TNPO3: variants seen among roughly 807,000 people sequenced by gnomAD.
TNPO3 encodes the protein transportin-3.
In TNPO3, 65 loss-of-function variants were observed where a neutral mutation model predicts 122.8. The observed-to-expected ratio is 0.53, with a 90% CI of 0.43 to 0.65. The LOEUF (loss-of-function observed/expected upper bound fraction) is 0.65. Ranked by LOEUF, TNPO3 falls within the 30% of genes least tolerant of loss-of-function variation. TNPO3 has a pLI of 0.00. For synonymous variants in TNPO3, 372 were observed against 411.2 expected (o/e 0.90, Z 1.15); for missense variants, 850 against 1,136.7 (o/e 0.75, Z 3.63).
intron 12 of TNPO3, 119 bp from the exon 13 acceptor site, chr7:128,984,378 G>C (rs1400212350): frequency 1.4e-5 from 8 of 553,612 alleles, no homozygotes; most frequent in Non-Finnish European, 2.5e-5. Flanking sequence ...CTTTTAAAAA[G>C]ATCAGCATTG....
intron 20 of TNPO3, 72 bp from the exon 21 acceptor site, chr7:128,967,464 A>G (rs777734251): frequency 1.2e-5 from 11 of 938,262 alleles, no homozygotes; most frequent in Non-Finnish European, 1.9e-5. Flanking sequence ...ACAGATACTA[A>G]CAAAACCCCA....
At chr7:128,994,042 C>T (rs1333847655) in intron 8 of TNPO3, 128 bp from the exon 9 acceptor site, 8 of 750,810 alleles carry the variant, frequency 1.1e-5, no homozygotes, top group Admixed American at 3.0e-5. Context: ...GCCTAAATCA[C>T]GAGGGTATTT....
intron 21 of TNPO3, among the ~76,000 whole-genome samples, chr7:128,961,360 C>G (rs572218476): frequency 6.6e-6 from 1 of 152,158 alleles, no homozygotes; most frequent in African/African-American, 2.4e-5. Flanking sequence ...CAATTGCCTA[C>G]AGTATTCAGT....
chr7:129,022,813 T>C (rs1343333543), intron 1 of TNPO3, among the ~76,000 whole-genome samples: 2 of 152,188 alleles, frequency 1.3e-5, no homozygotes, highest in East Asian at 3.8e-4. Context: ...CAGAAACTGT[T>C]ACTTGCAAAA....
chr7:129,015,258 G>C (rs1052000038), intron 3 of TNPO3, 123 bp from the exon 4 acceptor site: 1 of 914,738 alleles, frequency 1.1e-6, no homozygotes, highest in South Asian at 1.7e-5. Flanking sequence ...TTAAGGGGGA[G>C]AAAAAAGATA....
At chr7:128,990,713 C>T (rs1020866252) in intron 10 of TNPO3, among the ~76,000 whole-genome samples, 6 of 152,142 alleles carry the variant, frequency 3.9e-5, no homozygotes, top group Non-Finnish European at 8.8e-5. Context: ...TAAAGTTAAC[C>T]AAACACTTTC....
intron 21 of TNPO3, among the ~76,000 whole-genome samples, chr7:128,966,274 T>C (rs749021807): frequency 1.3e-5 from 2 of 152,204 alleles, no homozygotes; most frequent in African/African-American, 2.4e-5. Flanking sequence ...CTTTTCTCTA[T>C]TGATGGGCAA....
chr7:129,007,411 C>T (rs1418826878), intron 4 of TNPO3, among the ~76,000 whole-genome samples: 1 of 152,176 alleles, frequency 6.6e-6, no homozygotes, highest in Non-Finnish European at 1.5e-5. Context: ...CAGACTGCAA[C>T]AATAATCTAT....
chr7:129,053,847 G>A (rs540922115), intron 1 of TNPO3, among the ~76,000 whole-genome samples: 2 of 152,290 alleles, frequency 1.3e-5, no homozygotes, highest in African/African-American at 4.8e-5. Context: ...CACAGCAAAG[G>A]TGTGAAAATT....
Position 128,970,164 on chromosome 7 carries a change from A to C in TNPO3, c.2582T>G (p.Met861Arg), listed in dbSNP as rs547598255. ...PDVAEVLWEI[M>R]QVDRPTFCRW... ...CAATCTTACCGGTCTGTCAACCTGC[A>C]TGATCTCCCAGAGCACTTCAGCCAC... Residue 861 changes from methionine to arginine, a missense_variant, in exon 20 of 23, where the codon ATG becomes AGG. Met to Arg is a moderately conservative substitution (Grantham distance 91). Transcript: ENST00000265388. 1 of 1,614,076 alleles carries C rather than the reference A, an allele frequency of 6.2e-7. No individual in the cohort carries two copies. Among genetic ancestry groups the C allele is most frequent in the Non-Finnish European group, 8.5e-7 (1 of 1,180,030 alleles).
intron 1 of TNPO3, among the ~76,000 whole-genome samples, chr7:129,035,063 A>C (rs1806451717): frequency 1.3e-5 from 2 of 150,434 alleles, no homozygotes; most frequent in African/African-American, 4.9e-5. Context: ...TCATGAGGTC[A>C]GGGGATCGAG....
intron 1 of TNPO3, among the ~76,000 whole-genome samples, chr7:129,038,986 A>T (rs1430377814): frequency 6.6e-6 from 1 of 152,012 alleles, no homozygotes; most frequent in Non-Finnish European, 1.5e-5. Context: ...AAGTTTTTTT[A>T]AAAATGGACA....
chr7:129,041,613 T>C (rs1365953184), intron 1 of TNPO3: 1 of 985,368 alleles, frequency 1.0e-6, no homozygotes, highest in Non-Finnish European at 1.2e-6. Context: ...AATCCAGGCT[T>C]GGACTAAGCT....
chr7:129,052,988 CT>C (rs1026944612), intron 1 of TNPO3, among the ~76,000 whole-genome samples: 1 of 152,074 alleles, frequency 6.6e-6, no homozygotes, highest in African/African-American at 2.4e-5. Flanking sequence ...CCTTTATTTT[CT>C]GAAGAGGACT....
intron 12 of TNPO3, among the ~76,000 whole-genome samples, chr7:128,985,554 C>T (rs1435061880): frequency 6.6e-6 from 1 of 152,166 alleles, no homozygotes; most frequent in Non-Finnish European, 1.5e-5. Context: ...TATGATCATG[C>T]CACTGCATCC....
At chr7:128,959,441 C>T (rs1405677012) in intron 21 of TNPO3, among the ~76,000 whole-genome samples, 1 of 152,228 alleles carries the variant, frequency 6.6e-6, no homozygotes, top group African/African-American at 2.4e-5. Flanking sequence ...AAGCTATCGT[C>T]CTGCCTCAGC....
At chr7:129,056,136 G>A, upstream of TNPO3, 1 of 1,013,804 alleles carries the variant, frequency 9.9e-7, no homozygotes, top group South Asian at 1.3e-5. Flanking sequence ...CGACACCAAG[G>A]TGATTTGTGC....
intron 1 of TNPO3, among the ~76,000 whole-genome samples, chr7:129,033,509 A>G (rs968478079): frequency 2.6e-5 from 4 of 152,218 alleles, no homozygotes; most frequent in Admixed American, 2.6e-4. Flanking sequence ...GTGGGAATGT[A>G]AATGGTGTAG....
At chr7:128,969,527 C>CT (rs2128991304) in intron 20 of TNPO3, among the ~76,000 whole-genome samples, 1 of 152,156 alleles carries the variant, frequency 6.6e-6, no homozygotes, top group East Asian at 1.9e-4. Context: ...TTATATTATA[C>CT]TTTACCATTC....
Sources: gnomAD v4.1 joint callset for allele counts (sites outside exome capture counted in the v4.1 genomes callset) on GRCh38, gnomAD v4.1.1 for gene constraint, MANE v1.5 for transcripts, NCBI Gene and HGNC (gene_info 2026-07-23, HGNC 2026-07-21) for gene names.